AGRN: variants seen among roughly 807,000 people sequenced by gnomAD.
AGRN encodes the protein agrin proteoglycan.
A neutral mutation model predicts 211.0 loss-of-function variants in AGRN; 106 were observed. The observed-to-expected ratio is 0.50, with a 90% CI of 0.43 to 0.59. The LOEUF (loss-of-function observed/expected upper bound fraction) is 0.59, where lower values mean the gene tolerates loss of function less well. Among genes scored for constraint, AGRN ranks in the 20% least tolerant of loss-of-function variants. The pLI is 0.00. For missense variants in AGRN, 3,040 were observed against 2,982.6 expected (o/e 1.02, Z -0.45); for synonymous variants, 1,525 against 1,332.5 (o/e 1.14, Z -3.15).
chr1:1,052,186 G>A (rs547551614), intron 33 of AGRN: 11 of 790,714 alleles, frequency 1.4e-5, no homozygotes, highest in African/African-American at 5.3e-5. Context: ...AAGTGCAGTC[G>A]CCCCTCCCAG....
Position 1,048,033 on chromosome 1 carries a change from C to T in AGRN, c.3773C>T (p.Thr1258Met), listed in dbSNP as rs141842070. The stretch of plus-strand genomic sequence containing the variant: ...GCAGACTGGTTTCCTGCGTTTATCA[C>T]GGGGGCCACGTCAGGAGCCATTGCT... ...MDFDWFPAFI[T>M]GATSGAIAAG... Residue 1258 changes from threonine (T) to methionine (M), a missense_variant, in exon 23 of 36, where the codon ACG becomes ATG. By Grantham distance (81) the Thr-to-Met change is moderately conservative (BLOSUM62 -1). Coordinates refer to ENST00000379370, the MANE Select transcript of AGRN (RefSeq NM_198576.4). The surrounding 1 kb of genome is among the most constrained non-coding windows in gnomAD (Gnocchi z 5.9). 3.0e-5 allele frequency: 47 copies of T among 1,584,542 alleles called. No individual in the cohort carries two copies. In the African/African-American group the frequency reaches 3.6e-4, roughly 12 times the overall value.
intron 2 of AGRN, 74 bp downstream of exon 2, chr1:1,022,536 C>T (rs1014700620): frequency 2.0e-5 from 30 of 1,510,812 alleles, no homozygotes; most frequent in African/African-American, 4.1e-5. Context: ...TTGCAGGGGT[C>T]GCTGTGCGGG....
At chr1:1,025,031 C>T (rs1216641179) in intron 2 of AGRN, among the ~76,000 whole-genome samples, 1 of 152,178 alleles carries the variant, frequency 6.6e-6, no homozygotes, top group Non-Finnish European at 1.5e-5. Context: ...CCCTCCCAGC[C>T]CACCTCACAA....
intron 1 of AGRN, among the ~76,000 whole-genome samples, chr1:1,020,755 C>T (rs529550979): frequency 6.9e-6 from 1 of 144,866 alleles, no homozygotes; most frequent in Non-Finnish European, 1.5e-5. Flanking sequence ...AGAGGCCTTT[C>T]CCGGGGCGAG....
At chr1:1,036,071 C>G (rs1165926910) in intron 3 of AGRN, among the ~76,000 whole-genome samples, 1 of 152,042 alleles carries the variant, frequency 6.6e-6, no homozygotes, top group Non-Finnish European at 1.5e-5. Context: ...GAGCACCTGC[C>G]CCATCACTGG....
intron 2 of AGRN, among the ~76,000 whole-genome samples, chr1:1,029,841 T>C (rs764572310): frequency 9.3e-5 from 7 of 75,404 alleles, no homozygotes; most frequent in African/African-American, 3.0e-4. Flanking sequence ...GTGTGTGCAG[T>C]GCATGGTGCT....
In AGRN at chr1:1,041,270, C is replaced by T; in HGVS notation, c.825C>T (p.Thr275=). ...GLTASCLCPA[T]CRGAPEGTVC... ...CGGCCTCGTGCCTGTGCCCCGCGAC[C>T]TGCCGTGGCGCCCCCGAGGGGACCG... Residue 275 remains threonine (T), a synonymous_variant, in exon 5 of 36, where the codon ACC becomes ACT. Coordinates refer to ENST00000379370, the MANE Select transcript of AGRN (RefSeq NM_198576.4). 1 of 1,506,554 alleles carries T rather than the reference C, an allele frequency of 6.6e-7. No individual in the cohort carries two copies. The highest frequency in any genetic ancestry group is 8.8e-7 in the Non-Finnish European group (1 of 1,133,524). The allele number at this position is 1,506,554 out of a possible 1,614,324, so 93.3% of individuals were successfully genotyped here.
At chr1:1,053,127 C>T in intron 33 of AGRN, 1 of 276,550 alleles carries the variant, frequency 3.6e-6, no homozygotes, top group Non-Finnish European at 7.1e-6. Context: ...CTCCATACCA[C>T]CCTACGCCTA....
rs1415776519 is a variant in AGRN, at chr1:1,040,880, G to T, written c.727G>T (p.Gly243Cys). The change falls in exon 4 of 36, where the codon GGC becomes TGC. Residue 243 changes from glycine to cysteine, a missense_variant and splice_region_variant. Physicochemically the swap from Gly to Cys is radical, Grantham distance 159. This residue lies in a region of AGRN where 1,498 missense variants were observed against 1,457.8 expected (regional missense o/e 1.03). Transcript: ENST00000379370. The part of the protein sequence containing the change: ...RIRLLSRGPC[G>C]SRDPCSNVTC... ...CCGCCTGCTCAGCCGCGGGCCGTGC[G>T]GTGAGCGGGGCGGGGCCGGTGCCTG... 2.6e-6 allele frequency: 4 copies of T among 1,511,216 alleles called. No homozygotes were observed. Among genetic ancestry groups the T allele is most frequent in the Non-Finnish European group, 1.8e-6 (2 of 1,137,922 alleles). The allele number at this position is 1,511,216 out of a possible 1,614,324, so 93.6% of individuals were successfully genotyped here.
rs755258894 is a variant in AGRN at position 1,048,005 on chromosome 1, C to T, written c.3752-7C>T. The T allele has an allele frequency of 1.3e-6, 2 of 1,576,096 alleles. No homozygotes were observed. The highest frequency in any genetic ancestry group is 1.7e-6 in the Non-Finnish European group (2 of 1,163,144). On this transcript the variant is annotated splice_region_variant and splice_polypyrimidine_tract_variant and intron_variant, in intron 22 of 35. Transcript: ENST00000379370. This position sits in a 1 kb window ranked among gnomAD's most constrained non-coding sequence, Gnocchi z 5.9. Reference sequence around the variant, plus strand: ...CAGGAAACCCTAACAGCTCCCTGTGCCGGCAGACTGGTTTCCTGCGTTTAT... The same window carrying T: ...CAGGAAACCCTAACAGCTCCCTGTGTCGGCAGACTGGTTTCCTGCGTTTAT...
chr1:1,038,281 G>GAT (rs1228170819), intron 3 of AGRN, among the ~76,000 whole-genome samples: 1 of 152,202 alleles, frequency 6.6e-6, no homozygotes, highest in Non-Finnish European at 1.5e-5. Flanking sequence ...ACCAGATGGG[G>GAT]ATGGGGAGCC....
rs756925070 is a variant in AGRN at position 1,043,493 on chromosome 1, G to A, written c.1603+36G>A. The A allele has an allele frequency of 4.7e-5, 75 of 1,601,466 alleles. No individual in the cohort carries two copies. The East Asian group carries it at 1.7e-3, about 35-fold the overall frequency. ...GGTGAGGGGTCTGGTGGGGGTCGGG[G>A]AGAGAGAGGTTCCTGGTCGCCTGGT... On this transcript the variant is annotated intron_variant, in intron 8 of 35. Coordinates refer to ENST00000379370, the MANE Select transcript of AGRN (RefSeq NM_198576.4).
intron 7 of AGRN, 104 bp from the exon 8 acceptor site, chr1:1,043,135 C>G (rs547795359): frequency 8.5e-6 from 11 of 1,297,350 alleles, no homozygotes; most frequent in Admixed American, 8.0e-5. Flanking sequence ...CTCTCTTCCT[C>G]CACCATCCCC....
intron 8 of AGRN, 38 bp from the exon 9 acceptor site, chr1:1,043,500 A>C (rs1645004164): frequency 3.1e-6 from 5 of 1,601,640 alleles, no homozygotes; most frequent in Non-Finnish European, 4.2e-6. Flanking sequence ...GGGGAGAGAG[A>C]GGTTCCTGGT....
chr1:1,034,331 T>C (rs1172043099), intron 2 of AGRN: 1 of 985,322 alleles, frequency 1.0e-6, no homozygotes, highest in Non-Finnish European at 1.2e-6. Flanking sequence ...ACATTTGGGA[T>C]TTCTACTCCG....
chr1:1,021,170 GC>G (rs1291347062), intron 1 of AGRN, among the ~76,000 whole-genome samples: 6 of 152,192 alleles, frequency 3.9e-5, no homozygotes, highest in Non-Finnish European at 7.3e-5. Flanking sequence ...TTTCAGACTG[GC>G]CGGTGCGGGC....
intron 34 of AGRN, among the ~76,000 whole-genome samples, chr1:1,054,179 C>A (rs150875547): frequency 6.6e-6 from 1 of 152,224 alleles, no homozygotes; most frequent in Non-Finnish European, 1.5e-5. Context: ...AAAGGCATCC[C>A]GGCCCTGCCC....
At position 1,048,856 on chromosome 1, in the gene AGRN, G is replaced by A. The variant is rs568603229; in HGVS notation, c.4106-11G>A. The A allele has an allele frequency of 8.5e-6, 13 of 1,525,796 alleles. No individual in the cohort carries two copies. In the East Asian group the frequency reaches 9.9e-5, roughly 12 times the overall value. The allele number at this position is 1,525,796 out of a possible 1,614,324, so 94.5% of individuals were successfully genotyped here. ...GCTTTTCCAGCCGGCCCTCCCGGTC[G>A]CCCTTTGCAGTGCTTGGCGCCCCTG... On this transcript the variant is annotated splice_polypyrimidine_tract_variant and intron_variant, in intron 23 of 35. Coordinates refer to ENST00000379370, the MANE Select transcript of AGRN (RefSeq NM_198576.4). This position sits in a 1 kb window ranked among gnomAD's most constrained non-coding sequence, Gnocchi z 5.9.
intron 3 of AGRN, among the ~76,000 whole-genome samples, chr1:1,037,751 G>A (rs1040969454): frequency 1.3e-5 from 2 of 152,220 alleles, no homozygotes; most frequent in South Asian, 4.1e-4. Flanking sequence ...GAGCACAGAT[G>A]TGTCTGAGCC....
Sources: gnomAD v4.1 joint callset for allele counts (sites outside exome capture counted in the v4.1 genomes callset) on GRCh38, gnomAD v4.1.1 for gene constraint, gnomAD v4.1.1 regional missense constraint, Gnocchi (gnomAD v3.1) non-coding constraint, MANE v1.5 for transcripts, NCBI Gene and HGNC (gene_info 2026-07-23, HGNC 2026-07-21) for gene names.